NDUFA9: variants seen among roughly 807,000 people sequenced by gnomAD.
NDUFA9 encodes the protein NADH dehydrogenase [ubiquinone] 1 alpha subcomplex subunit 9, mitochondrial.
A neutral mutation model predicts 45.9 loss-of-function variants in NDUFA9; 23 were observed. The ratio of observed to expected loss-of-function variants is 0.50; its 90% CI spans 0.36 to 0.71. NDUFA9 has a LOEUF of 0.71. NDUFA9 is among the 30% of genes least tolerant of loss of function. The pLI is 0.00. For synonymous variants in NDUFA9, 176 were observed against 170.5 expected (o/e 1.03, Z -0.25); for missense variants, 466 against 488.2 (o/e 0.95, Z 0.43).
chr12:4,665,746 G>GTTTTTT (rs10657164), intron 6 of NDUFA9, among the ~76,000 whole-genome samples: 1 of 143,908 alleles, frequency 6.9e-6, no homozygotes, highest in Non-Finnish European at 1.5e-5. Context: ...GTTATTTTCT[G>GTTTTTT]TTTTTTTTTT....
At chr12:4,652,990 G>A (rs1945768143) in intron 1 of NDUFA9, among the ~76,000 whole-genome samples, 1 of 152,240 alleles carries the variant, frequency 6.6e-6, no homozygotes, top group South Asian at 2.1e-4. Flanking sequence ...AGAAAGTCCT[G>A]TTTGTGTCTT....
intron 1 of NDUFA9, 31 bp from the exon 2 acceptor site, chr12:4,654,261 C>G: frequency 6.4e-7 from 1 of 1,558,710 alleles, no homozygotes; most frequent in Non-Finnish European, 8.7e-7. Flanking sequence ...TAATATTTGC[C>G]ATGCTTGTAT....
At chr12:4,649,602 A>G (rs759439463) in intron 1 of NDUFA9, among the ~76,000 whole-genome samples, 1 of 152,192 alleles carries the variant, frequency 6.6e-6, no homozygotes, top group Admixed American at 6.5e-5. Context: ...ATGGGTCTCA[A>G]TTCATATGAG....
chr12:4,678,769 A>G (rs1945935692), intron 8 of NDUFA9, among the ~76,000 whole-genome samples: 1 of 152,230 alleles, frequency 6.6e-6, no homozygotes. Flanking sequence ...CAGAGAGAAA[A>G]TAACAAATGT....
intron 9 of NDUFA9, among the ~76,000 whole-genome samples, chr12:4,684,043 T>C (rs574964301): frequency 5.9e-5 from 9 of 152,300 alleles, no homozygotes; most frequent in African/African-American, 1.7e-4. Flanking sequence ...TAGAGTTGGC[T>C]TATGTATGCC....
rs1308941007 is a variant in NDUFA9, at chr12:4,693,066, C to T, written c.*5958C>T. On this transcript the variant is annotated 3_prime_UTR_variant, in exon 11 of 11. Coordinates refer to ENST00000266544, the MANE Select transcript of NDUFA9 (RefSeq NM_005002.5). Reference sequence around the variant, plus strand: ...TTGGGAGGCTGAGGTGGGAGGATCACTTGAGCCCAGGAGTTTGAGACCAGC... The same window carrying T: ...TTGGGAGGCTGAGGTGGGAGGATCATTTGAGCCCAGGAGTTTGAGACCAGC... 6.6e-6 allele frequency: 1 copy of T among 152,482 alleles called. No homozygotes were observed. The highest frequency in any genetic ancestry group is 2.4e-5 in the African/African-American group (1 of 41,470). The allele number at this position is 152,482 out of a possible 1,614,324, so 9.4% of individuals were successfully genotyped here.
chr12:4,654,795 T>C, intron 2 of NDUFA9, 30 bp from the exon 3 acceptor site: 1 of 1,497,340 alleles, frequency 6.7e-7, no homozygotes, highest in Middle Eastern at 1.8e-4. Context: ...ATGTTAATGT[T>C]GATCCTTTTT....
intron 1 of NDUFA9, among the ~76,000 whole-genome samples, chr12:4,651,170 G>T (rs1256358748): frequency 6.6e-6 from 1 of 152,098 alleles, no homozygotes; most frequent in African/African-American, 2.4e-5. Context: ...AAAAATTAAT[G>T]CAGTGTGCAA....
chr12:4,674,415 T>C (rs562556386), intron 8 of NDUFA9, among the ~76,000 whole-genome samples: 1 of 152,338 alleles, frequency 6.6e-6, no homozygotes, highest in Admixed American at 6.5e-5. Flanking sequence ...ATCAGTTTGC[T>C]GTATTCAGGA....
intron 9 of NDUFA9, 59 bp downstream of exon 9, chr12:4,682,359 C>T: frequency 7.8e-7 from 1 of 1,288,354 alleles, no homozygotes; most frequent in African/African-American, 1.5e-5. Context: ...ACACTTGTTC[C>T]TAATGTTCTC....
rs752780525 is a variant in NDUFA9 at position 4,662,596 on chromosome 12, A to G, written c.616A>G (p.Ile206Val). 10 of 1,613,854 alleles carry G rather than the reference A, an allele frequency of 6.2e-6. No individual in the cohort carries two copies. The highest frequency in any genetic ancestry group is 4.0e-5 in the African/African-American group (3 of 74,936). The change falls in exon 6 of 11, where the codon ATC becomes GTC. Residue 206 changes from isoleucine to valine, a missense_variant. Physicochemically the swap from Ile to Val is conservative, Grantham distance 29. Transcript: ENST00000266544. ...PEAIIVKPSD[I>V]FGREDRFLNS... ...AGCCATTATCGTAAAGCCGTCGGAC[A>G]TCTTTGGAAGAGAGGATAGATTCCT...
At position 4,659,197 on chromosome 12, in the gene NDUFA9, G is replaced by T; in HGVS notation, c.552+20G>T. The T allele has an allele frequency of 6.3e-7, 1 of 1,597,964 alleles. No homozygotes were observed. The highest frequency in any genetic ancestry group is 1.1e-5 in the South Asian group (1 of 89,662). Reference sequence around the variant, plus strand: ...AATAAGGTAAGTAACAAATTGATCTGGGAAGTGGTTCACAGAGCCAGAGTT... The same window carrying T: ...AATAAGGTAAGTAACAAATTGATCTTGGAAGTGGTTCACAGAGCCAGAGTT... On this transcript the variant is annotated intron_variant, in intron 5 of 10. Transcript: ENST00000266544.
chr12:4,653,330 A>T (rs1043835222), intron 1 of NDUFA9, among the ~76,000 whole-genome samples: 1 of 152,248 alleles, frequency 6.6e-6, no homozygotes, highest in African/African-American at 2.4e-5. Flanking sequence ...ACACAGGGAT[A>T]AAAACTTCTG....
At chr12:4,686,427 T>G (rs1229775636) in intron 10 of NDUFA9, among the ~76,000 whole-genome samples, 1 of 151,158 alleles carries the variant, frequency 6.6e-6, no homozygotes, top group Admixed American at 6.6e-5. Flanking sequence ...GTTACTTGTT[T>G]TTTTTTTTTT....
chr12:4,681,536 G>A (rs1328080286), intron 8 of NDUFA9, among the ~76,000 whole-genome samples: 1 of 148,398 alleles, frequency 6.7e-6, no homozygotes, highest in Admixed American at 6.7e-5. Context: ...ATTTTCTTAT[G>A]ACAACTCATT....
rs1355886797 is a variant in NDUFA9, at chr12:4,649,114, A to G, written c.-13A>G. The G allele has an allele frequency of 6.2e-7, 1 of 1,601,674 alleles. No homozygotes were observed. The stretch of plus-strand genomic sequence containing the variant: ...TCAGCCGGGAGTGCTGTCGTGGGGG[A>G]TTGTGGGAAAAGATGGCGGCTGCCG... On this transcript the variant is annotated 5_prime_UTR_variant, in exon 1 of 11. Transcript: ENST00000266544.
In NDUFA9 at chr12:4,688,069, T is replaced by C. The variant is rs558006513; in HGVS notation, c.*961T>C. ...GTATATCAGTGTTGAAGGTAAGTTC[T>C]CCACCTGCCCTTTCTGCCTGCATCA... On this transcript the variant is annotated 3_prime_UTR_variant, in exon 11 of 11. Transcript: ENST00000266544. 1 of 152,380 alleles carries C rather than the reference T, an allele frequency of 6.6e-6. No homozygotes were observed. The highest frequency in any genetic ancestry group is 1.9e-4 in the East Asian group (1 of 5,186). 9.4% of individuals were successfully genotyped at this position (152,380 alleles called of 1,614,324 possible). A position where few individuals can be genotyped will look rare whatever the true frequency, so the allele number is the denominator to read the frequency against.
In NDUFA9 at chr12:4,659,079, A is replaced by G. The variant is rs748390926; in HGVS notation, c.454A>G (p.Ile152Val). The change falls in exon 5 of 11, where the codon ATT becomes GTT. Residue 152 changes from isoleucine to valine, a missense_variant. Ile to Val is a conservative substitution (Grantham distance 29). Coordinates refer to ENST00000266544, the MANE Select transcript of NDUFA9 (RefSeq NM_005002.5). ...EDVFVKIPQA[I>V]AQLSKEAGVE... ...TGTTTTTGTGAAGATTCCCCAAGCA[A>G]TTGCTCAACTGTCCAAGGAAGCTGG... The G allele has an allele frequency of 6.2e-7, 1 of 1,613,272 alleles. No individual in the cohort carries two copies. Among genetic ancestry groups the G allele is most frequent in the South Asian group, 1.1e-5 (1 of 91,038 alleles).
At chr12:4,670,438 A>C (rs1481893384) in intron 8 of NDUFA9, among the ~76,000 whole-genome samples, 4 of 152,218 alleles carry the variant, frequency 2.6e-5, no homozygotes, top group Non-Finnish European at 5.9e-5. Flanking sequence ...TTCACCTGGT[A>C]AGTGGTTCAT....
Sources: gnomAD v4.1 joint callset for allele counts (sites outside exome capture counted in the v4.1 genomes callset) on GRCh38, gnomAD v4.1.1 for gene constraint, MANE v1.5 for transcripts, NCBI Gene and HGNC (gene_info 2026-07-23, HGNC 2026-07-21) for gene names.